Variants in MTMR10 observed in about 807,000 individuals in gnomAD.
The protein encoded by MTMR10 is myotubularin related protein 10, also known as myotubularin-related protein 10.
Under a neutral mutation model 88.1 loss-of-function variants are expected in MTMR10, and 56 were observed. That is an observed-to-expected ratio of 0.64 (90% CI 0.51 to 0.79). The LOEUF (loss-of-function observed/expected upper bound fraction) is 0.79, where lower values mean the gene tolerates loss of function less well. Ranked by LOEUF, MTMR10 falls within the 30% of genes least tolerant of loss-of-function variation. The pLI, the probability that MTMR10 is intolerant of heterozygous loss-of-function variation, is 0.00. For missense variants in MTMR10, 883 were observed against 924.7 expected, an observed-to-expected ratio of 0.95 and a Z score of 0.58; for synonymous variants, 380 against 340.9, an observed-to-expected ratio of 1.11 and a Z score of -1.26.
rs2063039551 is a variant in MTMR10 at position 30,941,253 on chromosome 15, C to T, written c.*217G>A. Reference sequence around the variant, plus strand: ...TTTGATCACGGTTACAAGAGCCAGACCTGTAATGACAGAAAGAGGACAGGA... The same window carrying T: ...TTTGATCACGGTTACAAGAGCCAGATCTGTAATGACAGAAAGAGGACAGGA... On this transcript the variant is annotated 3_prime_UTR_variant, in exon 16 of 16. Transcript: ENST00000435680. The T allele has an allele frequency of 3.4e-6, 5 of 1,457,290 alleles. No individual in the cohort carries two copies. Among genetic ancestry groups the T allele is most frequent in the Non-Finnish European group, 4.6e-6 (5 of 1,098,018 alleles). 90.3% of individuals were successfully genotyped at this position (1,457,290 alleles called of 1,614,324 possible).
At chr15:30,977,052 G>T in intron 2 of MTMR10, 97 bp from the exon 3 acceptor site, 1 of 1,185,826 alleles carries the variant, frequency 8.4e-7, no homozygotes, top group Non-Finnish European at 1.2e-6. Context: ...GCAAGGATGA[G>T]GATAGTGAAA....
At chr15:30,935,920 C>G (rs1016946455), downstream of MTMR10, among the ~76,000 whole-genome samples, 2 of 151,948 alleles carry the variant, frequency 1.3e-5, no homozygotes, top group African/African-American at 4.8e-5. Flanking sequence ...CCTAGGGTGC[C>G]GTTACATTTG....
At chr15:30,960,510 T>C (rs543229180) in intron 7 of MTMR10, among the ~76,000 whole-genome samples, 3 of 152,228 alleles carry the variant, frequency 2.0e-5, no homozygotes, top group African/African-American at 2.4e-5. Flanking sequence ...TGTCAACAAA[T>C]AGTAGGTAAA....
the MTMR10 span, chr15:30,930,591 C>T: frequency 6.2e-7 from 1 of 1,612,996 alleles, no homozygotes; most frequent in Non-Finnish European, 8.5e-7. Context: ...TGTGTGCAGG[C>T]ACCTGGCTGC....
At chr15:30,986,582 AAGTT>A (rs1455744350) in intron 2 of MTMR10, among the ~76,000 whole-genome samples, 5 of 152,336 alleles carry the variant, frequency 3.3e-5, no homozygotes, top group Non-Finnish European at 7.3e-5. Flanking sequence ...TATTCCAAGT[AAGTT>A]AGAAGAACAT....
the MTMR10 span, chr15:30,929,129 T>G: frequency 1.5e-6 from 2 of 1,314,760 alleles, no homozygotes; most frequent in Non-Finnish European, 2.1e-6. Flanking sequence ...AAGTTTTGTA[T>G]GTACTGACTA....
chr15:30,966,821 A>C (rs2063477572), intron 6 of MTMR10, among the ~76,000 whole-genome samples: 1 of 151,742 alleles, frequency 6.6e-6, no homozygotes, highest in Non-Finnish European at 1.5e-5. Context: ...GCTGCTCTGC[A>C]AAGCATTATT....
Position 30,941,778 on chromosome 15 carries a change from T to C in MTMR10, c.2026A>G (p.Ile676Val), listed in dbSNP as rs1179057963. The change falls in exon 16 of 16, where the codon ATC becomes GTC. Residue 676 changes from isoleucine to valine, a missense_variant. By Grantham distance (29) the Ile-to-Val change is conservative (BLOSUM62 3). Transcript: ENST00000435680. ...PEAQISLGGS[I>V]TAFHKLSLLA... ...AGGGAGAGCTTGTGAAAGGCTGTGA[T>C]GGAGCCACCCAGGCTGATCTGGGCC... 1.2e-6 allele frequency: 2 copies of C among 1,613,886 alleles called. No homozygotes were observed. Among genetic ancestry groups the C allele is most frequent in the African/African-American group, 2.7e-5 (2 of 74,940 alleles).
rs2063050104 is a variant in MTMR10 at position 30,941,465 on chromosome 15, CTATTTTAG to C, written c.2331_*4del. On this transcript the variant is annotated stop_lost and 3_prime_UTR_variant, in exon 16 of 16. Transcript: ENST00000435680. ...TCCCTCAAAATGTTCAGAAAACACC[CTATTTTAG>C]TCTTCATTTGCTAATGTCTCAGTAG... 6.3e-7 allele frequency: 1 copy of C among 1,597,010 alleles called. No homozygotes were observed. Among genetic ancestry groups the C allele is most frequent in the Non-Finnish European group, 8.5e-7 (1 of 1,171,600 alleles).
chr15:30,924,026 G>A, the MTMR10 span, among the ~76,000 whole-genome samples: 1 of 152,106 alleles, frequency 6.6e-6, no homozygotes, highest in African/African-American at 2.4e-5. Flanking sequence ...TGGCGACGAC[G>A]TCTCATCTAC....
At chr15:30,984,237 G>T (rs1248288051) in intron 2 of MTMR10, among the ~76,000 whole-genome samples, 1 of 152,180 alleles carries the variant, frequency 6.6e-6, no homozygotes, top group African/African-American at 2.4e-5. Context: ...GACAACGATA[G>T]TGAGGAGTTT....
At chr15:30,920,530 A>C in the MTMR10 span, 57 of 1,531,196 alleles carry the variant, frequency 3.7e-5, no homozygotes, top group Non-Finnish European at 5.1e-5. Context: ...CTACTGGTAT[A>C]TGTCTTCATT....
chr15:30,960,856 A>G lies in MTMR10; in HGVS notation c.758+25T>C, dbSNP rs753638129. On this transcript the variant is annotated intron_variant, in intron 7 of 15. Transcript: ENST00000435680. ...ATAGGGAAGTGACTTCCAGCCATAT[A>G]TAACATTGCTAAAATTGTACTTACC... 6.4e-6 allele frequency: 10 copies of G among 1,557,606 alleles called. No individual in the cohort carries two copies. The African/African-American group carries it at 9.5e-5, about 15-fold the overall frequency.
intron 2 of MTMR10, among the ~76,000 whole-genome samples, chr15:30,988,489 T>C (rs2031097958): frequency 7.1e-6 from 1 of 140,582 alleles, no homozygotes; most frequent in African/African-American, 2.8e-5. Context: ...ACAGCTCTTT[T>C]AGAATTTCTC....
intron 2 of MTMR10, among the ~76,000 whole-genome samples, chr15:30,977,298 G>A (rs1396620986): frequency 6.6e-6 from 1 of 152,178 alleles, no homozygotes; most frequent in Non-Finnish European, 1.5e-5. Flanking sequence ...CTCCTTCAGA[G>A]TATTACTTGA....
intron 10 of MTMR10, 138 bp downstream of exon 10, chr15:30,954,625 T>C (rs2063296399): frequency 4.3e-6 from 4 of 922,886 alleles, no homozygotes; most frequent in South Asian, 2.9e-5. Flanking sequence ...CATACAATAA[T>C]ATATAATTTG....
intron 14 of MTMR10, chr15:30,943,991 G>C (rs1431530619): frequency 1.4e-5 from 14 of 985,124 alleles, no homozygotes; most frequent in Non-Finnish European, 1.7e-5. Context: ...TCTTTGTTCT[G>C]TACCTTTCAG....
At chr15:30,955,791 C>T (rs1273436444) in intron 9 of MTMR10, among the ~76,000 whole-genome samples, 3 of 152,152 alleles carry the variant, frequency 2.0e-5, no homozygotes, top group Non-Finnish European at 4.4e-5. Flanking sequence ...ACAGTCTTAA[C>T]GATTTGCTGT....
chr15:30,941,981 A>C lies in MTMR10; in HGVS notation c.1823T>G (p.Leu608Trp). The change falls in exon 16 of 16, where the codon TTG becomes TGG. Residue 608 changes from leucine (L) to tryptophan (W), a missense_variant. By Grantham distance (61) the Leu-to-Trp change is moderately conservative. Coordinates refer to ENST00000435680, the MANE Select transcript of MTMR10 (RefSeq NM_017762.3). ...DQELLPRRNS[L>W]ILKPKPDPAQ... is the part of the protein sequence containing the mutation. ...TGGATCTGGCTTTGGTTTTAATATC[A>C]ATGAATTTCTCCTTGGAAGTAATTC... 6.2e-7 allele frequency: 1 copy of C among 1,613,884 alleles called. No individual in the cohort carries two copies. The highest frequency in any genetic ancestry group is 1.1e-5 in the South Asian group (1 of 91,078).
Sources: allele counts gnomAD v4.1 joint callset (sites outside exome capture counted in the v4.1 genomes callset), GRCh38; gene constraint gnomAD v4.1.1; transcripts MANE v1.5; gene names NCBI Gene and HGNC (gene_info 2026-07-23, HGNC 2026-07-21).